Variants in L3MBTL4 observed in about 807,000 individuals in gnomAD.
L3MBTL4 encodes L3MBTL histone methyl-lysine binding protein 4.
A neutral mutation model predicts 84.5 loss-of-function variants in L3MBTL4; 70 were observed. The ratio of observed to expected loss-of-function variants is 0.83; its 90% confidence interval spans 0.68 to 1.01. The LOEUF (loss-of-function observed/expected upper bound fraction) is 1.01. Among genes scored for constraint, L3MBTL4 ranks in the 50% least tolerant of loss-of-function variants. The pLI, the probability that L3MBTL4 is intolerant of heterozygous loss-of-function variation, is 0.00. For synonymous variants in L3MBTL4, 274 were observed against 259.8 expected (o/e 1.05, Z -0.52); for missense variants, 715 against 754.8 (o/e 0.95, Z 0.62).
At chr18:6,068,497 C>T (rs1164523798) in intron 16 of L3MBTL4, among the ~76,000 whole-genome samples, 2 of 152,130 alleles carry the variant, frequency 1.3e-5, no homozygotes, top group African/African-American at 4.8e-5. Flanking sequence ...TCCCAGTATT[C>T]CAGCTATTCA....
intron 4 of L3MBTL4, among the ~76,000 whole-genome samples, chr18:6,270,398 C>T (rs2048815603): frequency 6.6e-6 from 1 of 152,226 alleles, no homozygotes; most frequent in Non-Finnish European, 1.5e-5. Context: ...TTCTCCCTCA[C>T]ACCGCATTTA....
At chr18:6,116,315 C>T (rs763889609) in intron 14 of L3MBTL4, among the ~76,000 whole-genome samples, 1 of 150,672 alleles carries the variant, frequency 6.6e-6, no homozygotes, top group Non-Finnish European at 1.5e-5. Flanking sequence ...GGCCATCCCT[C>T]TGTCCCTCTA....
intron 10 of L3MBTL4, among the ~76,000 whole-genome samples, chr18:6,216,620 T>C (rs1426138231): frequency 1.3e-5 from 2 of 152,194 alleles, no homozygotes; most frequent in Non-Finnish European, 2.9e-5. Context: ...ACATAACTTA[T>C]TTTCATTTAA....
intron 16 of L3MBTL4, among the ~76,000 whole-genome samples, chr18:6,072,909 TATATATATATATATATAC>T (rs1568070003): frequency 1.2e-5 from 1 of 82,488 alleles, no homozygotes; most frequent in African/African-American, 5.4e-5. Flanking sequence ...TATATATATA[TATATATATATATATATAC>T]ACACATACAT....
intron 16 of L3MBTL4, among the ~76,000 whole-genome samples, chr18:6,072,878 AAAAATATATATATATATATATATATAT>A (rs1320716551): frequency 2.7e-4 from 12 of 44,202 alleles, no homozygotes; most frequent in Non-Finnish European, 4.9e-4. Flanking sequence ...AAAAAAAAAA[AAAAATATATATATATATATATATATAT>A]ATATATATAT....
chr18:6,323,244 C>T (rs78867959), intron 1 of L3MBTL4, among the ~76,000 whole-genome samples: 4 of 152,114 alleles, frequency 2.6e-5, no homozygotes, highest in South Asian at 2.1e-4. Context: ...AATGAACTAA[C>T]ACAGAAAATT....
intron 5 of L3MBTL4, among the ~76,000 whole-genome samples, chr18:6,257,329 C>G (rs1826730836): frequency 6.6e-6 from 1 of 151,872 alleles, no homozygotes; most frequent in Non-Finnish European, 1.5e-5. Context: ...TCCAGGAGAT[C>G]ACAATTTCAC....
At chr18:6,031,048 C>T in intron 16 of L3MBTL4, 5 of 985,414 alleles carry the variant, frequency 5.1e-6, no homozygotes, top group Non-Finnish European at 4.8e-6. Flanking sequence ...GGCTGGACTG[C>T]TCCATAAAAC....
intron 1 of L3MBTL4, among the ~76,000 whole-genome samples, chr18:6,355,759 C>A (rs1055757964): frequency 1.3e-5 from 2 of 151,926 alleles, no homozygotes; most frequent in Non-Finnish European, 2.9e-5. Context: ...ACATGATTTA[C>A]GAGTAAACAG....
intron 16 of L3MBTL4, among the ~76,000 whole-genome samples, chr18:6,018,844 T>C (rs1036211962): frequency 6.6e-6 from 1 of 152,170 alleles, no homozygotes; most frequent in Non-Finnish European, 1.5e-5. Context: ...GCAGCAAGGA[T>C]TCCAGCAAAG....
chr18:6,314,414 A>G (rs1356471498), intron 1 of L3MBTL4, among the ~76,000 whole-genome samples: 1 of 152,228 alleles, frequency 6.6e-6, no homozygotes, highest in African/African-American at 2.4e-5. Context: ...GTAAAGGTAT[A>G]TACCAACTAG....
At chr18:6,028,883 G>T (rs978322025) in intron 16 of L3MBTL4, among the ~76,000 whole-genome samples, 1 of 152,136 alleles carries the variant, frequency 6.6e-6, no homozygotes, top group African/African-American at 2.4e-5. Flanking sequence ...ATAGAAGAAA[G>T]AAAAGAATTA....
chr18:6,141,648 C>T (rs375817448), intron 13 of L3MBTL4, among the ~76,000 whole-genome samples: 4 of 152,078 alleles, frequency 2.6e-5, no homozygotes, highest in East Asian at 1.9e-4. Flanking sequence ...CCCTATCAAT[C>T]GGTCCTCAAT....
At chr18:6,121,804 C>T (rs1000997994) in intron 14 of L3MBTL4, among the ~76,000 whole-genome samples, 12 of 151,664 alleles carry the variant, frequency 7.9e-5, no homozygotes, top group Admixed American at 3.3e-4. Context: ...TTCGTCTTGG[C>T]CTTGTCTCAA....
At chr18:5,971,626 A>G (rs1435881251) in intron 16 of L3MBTL4, among the ~76,000 whole-genome samples, 3 of 152,242 alleles carry the variant, frequency 2.0e-5, no homozygotes, top group Non-Finnish European at 4.4e-5. Flanking sequence ...TTAAAAATGT[A>G]AAAGAAAAAA....
At chr18:6,187,320 C>G (rs2044823031) in intron 12 of L3MBTL4, among the ~76,000 whole-genome samples, 1 of 152,046 alleles carries the variant, frequency 6.6e-6, no homozygotes, top group Non-Finnish European at 1.5e-5. Context: ...GTTATAATTT[C>G]AAGTGCCTAC....
intron 13 of L3MBTL4, among the ~76,000 whole-genome samples, chr18:6,153,270 T>A (rs1404881973): frequency 6.6e-6 from 1 of 152,204 alleles, no homozygotes; most frequent in Non-Finnish European, 1.5e-5. Flanking sequence ...GCCATTGGAA[T>A]TTTGATACAG....
intron 16 of L3MBTL4, among the ~76,000 whole-genome samples, chr18:6,072,700 A>C (rs112021238): frequency 0.33 from 47,608 of 145,550 alleles, 8,257 homozygotes; most frequent in East Asian, 0.63. Flanking sequence ...ACACACACAA[A>C]AAAAAATTAG....
chr18:6,078,426 C>CA (rs1200685986), intron 16 of L3MBTL4, among the ~76,000 whole-genome samples: 385 of 34,076 alleles, frequency 0.011, 1 homozygote, highest in Non-Finnish European at 0.012. Flanking sequence ...GAGTCCACCT[C>CA]AAAAAAAAAA....
Sources: allele counts gnomAD v4.1 joint callset (sites outside exome capture counted in the v4.1 genomes callset), GRCh38; gene constraint gnomAD v4.1.1; transcripts MANE v1.5; gene names NCBI Gene and HGNC (gene_info 2026-07-23, HGNC 2026-07-21).